Variants in NELL2 observed in about 807,000 individuals in gnomAD.
NELL2 encodes neural EGFL like 2, also known as protein kinase C-binding protein NELL2.
In NELL2, 41 loss-of-function variants were observed where a neutral mutation model predicts 109.6. The observed-to-expected ratio is 0.37, with a 90% CI of 0.29 to 0.49. The LOEUF (loss-of-function observed/expected upper bound fraction) is 0.49. NELL2 is among the 20% of genes least tolerant of loss of function. NELL2 has a pLI of 0.98. For missense variants in NELL2, 900 were observed against 1,008.3 expected (o/e 0.89, Z 1.45); for synonymous variants, 355 against 344.7 (o/e 1.03, Z -0.33).
At chr12:44,742,056 C>G (rs1167293341) in intron 9 of NELL2, among the ~76,000 whole-genome samples, 1 of 152,160 alleles carries the variant, frequency 6.6e-6, no homozygotes, top group African/African-American at 2.4e-5. Context: ...TGGGAGGCAC[C>G]CCCCAGTAGG....
intron 3 of NELL2, among the ~76,000 whole-genome samples, chr12:44,801,620 C>G (rs1048837453): frequency 1.3e-5 from 2 of 152,088 alleles, no homozygotes; most frequent in African/African-American, 2.4e-5. Flanking sequence ...ATTTCCTTGT[C>G]TGTAAGATAG....
At chr12:44,684,997 T>A (rs899915456) in intron 12 of NELL2, among the ~76,000 whole-genome samples, 3 of 152,106 alleles carry the variant, frequency 2.0e-5, no homozygotes, top group Non-Finnish European at 4.4e-5. Flanking sequence ...CTCGTTGATC[T>A]GTCTAATGTT....
At chr12:44,645,095 A>C (rs1947044292) in intron 13 of NELL2, among the ~76,000 whole-genome samples, 1 of 152,156 alleles carries the variant, frequency 6.6e-6, no homozygotes, top group Admixed American at 6.5e-5. Flanking sequence ...AAAATTCACG[A>C]AGAAAAAAGA....
chr12:44,551,498 A>G (rs899831210), intron 15 of NELL2, among the ~76,000 whole-genome samples: 1 of 146,020 alleles, frequency 6.8e-6, no homozygotes, highest in Non-Finnish European at 1.5e-5. Context: ...TAGCAGGAGT[A>G]AACTTGATGT....
chr12:44,511,406 G>A (rs1256661359), intron 19 of NELL2, among the ~76,000 whole-genome samples: 2 of 152,154 alleles, frequency 1.3e-5, no homozygotes, highest in East Asian at 3.9e-4. Flanking sequence ...TTGAAAGAAG[G>A]AAAATGTACT....
intron 12 of NELL2, among the ~76,000 whole-genome samples, chr12:44,666,935 TGC>T (rs1947944005): frequency 1.3e-5 from 2 of 152,200 alleles, no homozygotes; most frequent in South Asian, 4.1e-4. Context: ...TACTTATAAC[TGC>T]TATACCTTCT....
chr12:44,800,010 C>T (rs566293643), intron 3 of NELL2, among the ~76,000 whole-genome samples: 2 of 152,162 alleles, frequency 1.3e-5, no homozygotes, highest in East Asian at 1.9e-4. Context: ...CGTATTTAAT[C>T]ACCAAATCCT....
At chr12:44,635,283 T>G (rs1360721040) in intron 13 of NELL2, among the ~76,000 whole-genome samples, 4 of 152,174 alleles carry the variant, frequency 2.6e-5, no homozygotes, top group Non-Finnish European at 4.4e-5. Context: ...GCTCTTTAGT[T>G]TAATTAGATC....
chr12:44,537,911 CAT>C (rs1490853813), intron 15 of NELL2, among the ~76,000 whole-genome samples: 8 of 151,988 alleles, frequency 5.3e-5, no homozygotes, highest in Admixed American at 4.6e-4. Context: ...AACATGGTAA[CAT>C]ATGTAAGTAA....
At chr12:44,760,597 T>A (rs1440768814) in intron 9 of NELL2, among the ~76,000 whole-genome samples, 1 of 152,078 alleles carries the variant, frequency 6.6e-6, no homozygotes, top group Non-Finnish European at 1.5e-5. Flanking sequence ...CAAATACATG[T>A]AAATATGTAA....
Position 44,795,037 on chromosome 12 carries a change from C to T in NELL2, c.336-15015G>A, listed in dbSNP as rs538640638. 7.9e-5 allele frequency among the ~76,000 whole-genome samples: 12 copies of T among 152,146 alleles called. No individual in the cohort carries two copies. In the South Asian group the frequency reaches 1.7e-3, roughly 21 times the overall value. On this transcript the variant is annotated intron_variant, in intron 3 of 19. Coordinates refer to ENST00000429094, the MANE Select transcript of NELL2 (RefSeq NM_001145108.2). ...ATAAACTAACTTAAGATTAGGTTTCCGAGAAATAGGCAACGGTGGCAGGGC... is the reference window on the plus strand; with the variant it reads ...ATAAACTAACTTAAGATTAGGTTTCTGAGAAATAGGCAACGGTGGCAGGGC...
chr12:44,888,084 T>C (rs11829055), intron 1 of NELL2, among the ~76,000 whole-genome samples: 1,875 of 152,126 alleles, frequency 0.012, 60 homozygotes, highest in African/African-American at 0.042. Context: ...GAACCACTCA[T>C]TGAAGACTGT....
At chr12:44,622,483 C>A (rs935075339) in intron 13 of NELL2, among the ~76,000 whole-genome samples, 1 of 152,140 alleles carries the variant, frequency 6.6e-6, no homozygotes, top group Non-Finnish European at 1.5e-5. Context: ...AAGGCCTGCT[C>A]TCCTTTAATA....
At chr12:44,714,424 A>C (rs1473690210) in intron 10 of NELL2, among the ~76,000 whole-genome samples, 1 of 152,044 alleles carries the variant, frequency 6.6e-6, no homozygotes, top group Non-Finnish European at 1.5e-5. Flanking sequence ...ATAAAGCTTT[A>C]ATTTGACAAA....
intron 2 of NELL2, among the ~76,000 whole-genome samples, chr12:44,830,981 T>C (rs1943869182): frequency 6.6e-6 from 1 of 152,042 alleles, no homozygotes; most frequent in Non-Finnish European, 1.5e-5. Context: ...TGCATGACTT[T>C]AATCTGTGGG....
intron 19 of NELL2, among the ~76,000 whole-genome samples, chr12:44,518,245 C>CTTT (rs60721930): frequency 7.0e-6 from 1 of 143,274 alleles, no homozygotes; most frequent in Non-Finnish European, 1.5e-5. Flanking sequence ...CATTCAAATA[C>CTTT]TTTTTTTTTT....
intron 12 of NELL2, among the ~76,000 whole-genome samples, chr12:44,698,752 C>T (rs1485852082): frequency 1.3e-5 from 2 of 152,154 alleles, no homozygotes; most frequent in African/African-American, 4.8e-5. Flanking sequence ...GCATCAATTA[C>T]CAATTTTTAT....
At chr12:44,667,208 A>C (rs977196741) in intron 12 of NELL2, among the ~76,000 whole-genome samples, 14 of 152,198 alleles carry the variant, frequency 9.2e-5, no homozygotes, top group Non-Finnish European at 4.4e-5. Context: ...TTTGTCCATC[A>C]TATTCATCTG....
chr12:44,670,130 T>C (rs1037638950), intron 12 of NELL2, among the ~76,000 whole-genome samples: 4 of 152,138 alleles, frequency 2.6e-5, no homozygotes, highest in Non-Finnish European at 5.9e-5. Context: ...CCAAGAATAC[T>C]ATACCCAGAA....
Sources: gnomAD v4.1 joint callset for allele counts (sites outside exome capture counted in the v4.1 genomes callset) on GRCh38, gnomAD v4.1.1 for gene constraint, MANE v1.5 for transcripts, NCBI Gene and HGNC (gene_info 2026-07-23, HGNC 2026-07-21) for gene names.